Variants in ANO1 observed in about 807,000 individuals in gnomAD.
ANO1 encodes anoctamin 1, also known as anoctamin-1.
ANO1 carries 59 observed loss-of-function variants against 124.0 expected under a neutral mutation model. The ratio of observed to expected loss-of-function variants is 0.48; its 90% CI spans 0.39 to 0.59. The LOEUF (loss-of-function observed/expected upper bound fraction) is 0.59, where lower values mean the gene tolerates loss of function less well. Among genes scored for constraint, ANO1 ranks in the 20% least tolerant of loss-of-function variants. The pLI is 0.00. For synonymous variants in ANO1, 529 were observed against 532.0 expected, an observed-to-expected ratio of 0.99 and a Z score of 0.08; for missense variants, 1,059 against 1,328.0, an observed-to-expected ratio of 0.80 and a Z score of 3.15.
intron 1 of ANO1, among the ~76,000 whole-genome samples, chr11:70,049,680 C>T (rs530129010): frequency 4.7e-5 from 7 of 148,896 alleles, no homozygotes; most frequent in African/African-American, 1.0e-4. Context: ...AATCTACATG[C>T]GGTCTATGTT....
At chr11:69,983,272 C>T (rs548960684), upstream of ANO1, among the ~76,000 whole-genome samples, 3 of 152,232 alleles carry the variant, frequency 2.0e-5, no homozygotes, top group Admixed American at 6.5e-5. Flanking sequence ...TTTTAAACCC[C>T]GCCCAATTCA....
At chr11:70,183,691 C>A (rs1183991924) in intron 24 of ANO1, among the ~76,000 whole-genome samples, 2 of 152,200 alleles carry the variant, frequency 1.3e-5, no homozygotes, top group East Asian at 3.9e-4. Context: ...TCTGCCTGGC[C>A]CAGCAGCTGG....
chr11:70,131,607 C>T (rs951177429), intron 10 of ANO1, among the ~76,000 whole-genome samples: 1 of 152,198 alleles, frequency 6.6e-6, no homozygotes, highest in Admixed American at 6.5e-5. Flanking sequence ...GGATTACAGG[C>T]GTGAGTCACC....
intron 11 of ANO1, among the ~76,000 whole-genome samples, chr11:70,137,068 G>A (rs1225866964): frequency 2.0e-5 from 3 of 147,416 alleles, no homozygotes; most frequent in Non-Finnish European, 3.0e-5. Flanking sequence ...CCAAGGCCAC[G>A]TGGCTTATTG....
At chr11:69,989,933 A>T (rs1328531028) in intron 1 of ANO1, among the ~76,000 whole-genome samples, 1 of 152,196 alleles carries the variant, frequency 6.6e-6, no homozygotes, top group African/African-American at 2.4e-5. Flanking sequence ...TTGGGTGGGG[A>T]TAAGTGAGAG....
chr11:70,012,796 C>T (rs2134973165), intron 1 of ANO1, among the ~76,000 whole-genome samples: 1 of 152,188 alleles, frequency 6.6e-6, no homozygotes, highest in South Asian at 2.1e-4. Context: ...TCTATTCATC[C>T]ATCCATACAT....
At chr11:70,081,410 A>G (rs1013290294) in intron 1 of ANO1, among the ~76,000 whole-genome samples, 5 of 152,204 alleles carry the variant, frequency 3.3e-5, no homozygotes, top group African/African-American at 1.2e-4. Context: ...CTGCTTGTAG[A>G]TTATGGAACG....
chr11:70,035,737 A>G (rs1306311133), intron 1 of ANO1, among the ~76,000 whole-genome samples: 2 of 151,912 alleles, frequency 1.3e-5, no homozygotes, highest in East Asian at 3.9e-4. Context: ...ATGTGTTCTC[A>G]TTGTTCAATT....
chr11:70,108,291 T>A (rs2045637392), intron 5 of ANO1, 62 bp from the exon 6 acceptor site: 2 of 1,519,594 alleles, frequency 1.3e-6, no homozygotes, highest in Non-Finnish European at 1.8e-6. Flanking sequence ...CACAGCAGAC[T>A]GTTTCTGCTC....
intron 14 of ANO1, among the ~76,000 whole-genome samples, chr11:70,153,581 T>C (rs2135658559): frequency 6.6e-6 from 1 of 152,314 alleles, no homozygotes; most frequent in South Asian, 2.1e-4. Flanking sequence ...AAATGGCCAG[T>C]TCCTTGTTTC....
At chr11:70,037,713 A>G (rs1205810312) in intron 1 of ANO1, among the ~76,000 whole-genome samples, 9 of 152,132 alleles carry the variant, frequency 5.9e-5, no homozygotes, top group Admixed American at 3.3e-4. Flanking sequence ...CACCTCATGG[A>G]ACAGCTGCCA....
intron 25 of ANO1, among the ~76,000 whole-genome samples, chr11:70,187,475 T>C (rs938163741): frequency 6.6e-6 from 1 of 152,186 alleles, no homozygotes; most frequent in Non-Finnish European, 1.5e-5. Flanking sequence ...CTGAGTCTCC[T>C]GATCAAAGAA....
chr11:70,032,593 G>A (rs535780839), intron 1 of ANO1, among the ~76,000 whole-genome samples: 1 of 152,190 alleles, frequency 6.6e-6, no homozygotes, highest in African/African-American at 2.4e-5. Flanking sequence ...GGTGGGCAAG[G>A]GAGGAGCCCA....
Position 70,187,662 on chromosome 11 carries a change from G to A in ANO1, c.2695-76G>A, listed in dbSNP as rs534976505. 4.6e-6 allele frequency: 7 copies of A among 1,506,220 alleles called. No individual in the cohort carries two copies. In the East Asian group the frequency reaches 9.8e-5, roughly 21 times the overall value. 93.3% of individuals were successfully genotyped at this position (1,506,220 alleles called of 1,614,324 possible). On this transcript the variant is annotated intron_variant, in intron 25 of 25. Transcript: ENST00000355303. ...TGGTGGGGTGGCACTCCACCAGATGGGGGCCAGGCAGAGAGGTCAGGAGCA... is the reference window on the plus strand; with the variant it reads ...TGGTGGGGTGGCACTCCACCAGATGAGGGCCAGGCAGAGAGGTCAGGAGCA...
intron 22 of ANO1, 122 bp from the exon 23 acceptor site, chr11:70,179,882 C>T (rs377667057): frequency 3.5e-6 from 3 of 867,134 alleles, no homozygotes; most frequent in Non-Finnish European, 5.7e-6. Flanking sequence ...TTGCCATAAG[C>T]CTCTGACTGC....
chr11:70,099,636 A>AGTGCC (rs1418040580), intron 2 of ANO1, among the ~76,000 whole-genome samples: 2 of 152,120 alleles, frequency 1.3e-5, no homozygotes, highest in African/African-American at 4.8e-5. Context: ...CTCCAGCCTC[A>AGTGCC]GTGCCCTCCG....
chr11:70,111,363 G>C (rs908461784), intron 6 of ANO1, among the ~76,000 whole-genome samples: 16 of 152,300 alleles, frequency 1.1e-4, no homozygotes, highest in Admixed American at 5.2e-4. Flanking sequence ...CGGACAGGTG[G>C]GGGGAGCCGG....
intron 2 of ANO1, among the ~76,000 whole-genome samples, chr11:70,097,974 G>A (rs11234013): frequency 0.011 from 1,640 of 152,334 alleles, 27 homozygotes; most frequent in African/African-American, 0.037. Flanking sequence ...CTGAAAACTC[G>A]CCTGGTCATG....
rs2047528323 is a variant in ANO1, at chr11:70,149,827, T to G, written c.1341+35T>G. ...TTTGCCGCCGTGCATATCACGCCCTTCCCCCACGTTCCCCCTACCCCAGGA... is the reference window on the plus strand; with the variant it reads ...TTTGCCGCCGTGCATATCACGCCCTGCCCCCACGTTCCCCCTACCCCAGGA... On this transcript the variant is annotated intron_variant, in intron 12 of 25. Transcript: ENST00000355303. The G allele has an allele frequency of 2.5e-6, 4 of 1,598,082 alleles. No homozygotes were observed. In the African/African-American group the frequency reaches 4.0e-5, roughly 16 times the overall value.
Sources: allele counts gnomAD v4.1 joint callset (sites outside exome capture counted in the v4.1 genomes callset), GRCh38; gene constraint gnomAD v4.1.1; transcripts MANE v1.5; gene names NCBI Gene and HGNC (gene_info 2026-07-23, HGNC 2026-07-21).